PDE4D: variants seen among roughly 807,000 people sequenced by gnomAD.
PDE4D encodes phosphodiesterase 4D.
Under a neutral mutation model 87.4 loss-of-function variants are expected in PDE4D, and 24 were observed. That is an observed-to-expected ratio of 0.27 (90% CI 0.20 to 0.39). PDE4D has a LOEUF of 0.39. PDE4D is among the 10% of genes least tolerant of loss of function. The pLI is 1.00. For synonymous variants in PDE4D, 384 were observed against 383.2 expected, an observed-to-expected ratio of 1.00 and a Z score of -0.02; for missense variants, 714 against 1,041.0, an observed-to-expected ratio of 0.69 and a Z score of 4.32.
chr5:60,398,097 T>G (rs976974760), intron 1 of PDE4D, among the ~76,000 whole-genome samples: 2 of 152,196 alleles, frequency 1.3e-5, no homozygotes, highest in Admixed American at 6.5e-5. Context: ...TCTTTTTTGT[T>G]TTTTAATCTT....
intron 1 of PDE4D, among the ~76,000 whole-genome samples, chr5:59,451,963 TG>T (rs1173574510): frequency 6.6e-6 from 1 of 152,246 alleles, no homozygotes; most frequent in Non-Finnish European, 1.5e-5. Context: ...CCATTGCACA[TG>T]ATCTAGAAAA....
chr5:59,601,004 C>T (rs1328507144), intron 1 of PDE4D, among the ~76,000 whole-genome samples: 1 of 152,084 alleles, frequency 6.6e-6, no homozygotes, highest in East Asian at 1.9e-4. Context: ...TGCCAAAAAC[C>T]TTTGGAAATT....
chr5:59,081,355 A>G (rs1333831453), intron 5 of PDE4D, among the ~76,000 whole-genome samples: 2 of 152,082 alleles, frequency 1.3e-5, no homozygotes, highest in Non-Finnish European at 2.9e-5. Flanking sequence ...AGAAGTAATA[A>G]CTTCCTGTTG....
intron 1 of PDE4D, among the ~76,000 whole-genome samples, chr5:60,369,835 A>G (rs1760867425): frequency 6.6e-6 from 1 of 152,172 alleles, no homozygotes; most frequent in Admixed American, 6.5e-5. Flanking sequence ...ACACACAAAA[A>G]AAAATCAGAC....
rs11402131 is a variant in PDE4D at position 59,586,505 on chromosome 5, C to CAAAA, written c.455+306659_455+306662dup. The CAAAA allele has an allele frequency of 1.1e-5, 13 of 1,132,716 alleles. No homozygotes were observed. The East Asian group carries it at 1.5e-4, about 13-fold the overall frequency. The allele number at this position is 1,132,716 out of a possible 1,614,324, so 70.2% of individuals were successfully genotyped here. A position where few individuals can be genotyped will look rare whatever the true frequency, so the allele number is the denominator to read the frequency against. The stretch of plus-strand genomic sequence containing the variant: ...AATTATTGCAACAAGTATTGAATCC[C>CAAAA]AAAAAAAAAAAAAAAATCTCCCCCC... On this transcript the variant is annotated intron_variant, in intron 1 of 14. Coordinates refer to ENST00000340635, the MANE Select transcript of PDE4D (RefSeq NM_001104631.2).
chr5:59,331,669 C>A (rs761899876), intron 1 of PDE4D, among the ~76,000 whole-genome samples: 10 of 152,160 alleles, frequency 6.6e-5, no homozygotes, highest in African/African-American at 9.7e-5. Flanking sequence ...TGTTCCACAG[C>A]CACAGAGCCA....
At chr5:60,070,297 T>C (rs1244565823) in intron 2 of PDE4D, among the ~76,000 whole-genome samples, 5 of 152,128 alleles carry the variant, frequency 3.3e-5, no homozygotes, top group African/African-American at 1.2e-4. Context: ...TTTTTCACCA[T>C]TGAGTATGAC....
intron 1 of PDE4D, among the ~76,000 whole-genome samples, chr5:60,237,966 A>G (rs1177709203): frequency 6.6e-6 from 1 of 151,906 alleles, no homozygotes; most frequent in Admixed American, 6.6e-5. Context: ...TCCCTCTCTG[A>G]GCCCATTTAC....
chr5:59,562,339 T>C (rs527476974), intron 1 of PDE4D, among the ~76,000 whole-genome samples: 4 of 152,332 alleles, frequency 2.6e-5, no homozygotes, highest in African/African-American at 9.6e-5. Context: ...ACTATGTGTA[T>C]ATATTATACA....
intron 1 of PDE4D, among the ~76,000 whole-genome samples, chr5:59,290,276 T>G (rs1767767583): frequency 6.6e-6 from 1 of 151,826 alleles, no homozygotes; most frequent in Non-Finnish European, 1.5e-5. Context: ...AATCCATACA[T>G]CTACAGCGAA....
intron 2 of PDE4D, among the ~76,000 whole-genome samples, chr5:60,155,512 A>G (rs180775274): frequency 1.4e-4 from 22 of 152,282 alleles, no homozygotes; most frequent in Non-Finnish European, 2.6e-4. Context: ...GTATTCTTCA[A>G]TCATTCATAT....
intron 1 of PDE4D, chr5:59,586,540 AACAAATAG>A: frequency 5.0e-6 from 7 of 1,411,440 alleles, no homozygotes; most frequent in Non-Finnish European, 6.4e-6. Context: ...CACCAATAAA[AACAAATAG>A]CAATTACAAA....
At chr5:59,197,203 T>G (rs1330165909) in intron 2 of PDE4D, among the ~76,000 whole-genome samples, 1 of 152,220 alleles carries the variant, frequency 6.6e-6, no homozygotes, top group African/African-American at 2.4e-5. Context: ...GGTTGCATAT[T>G]TATTAAAACA....
intron 1 of PDE4D, among the ~76,000 whole-genome samples, chr5:60,433,990 G>A (rs1277278498): frequency 6.6e-6 from 1 of 152,036 alleles, no homozygotes; most frequent in Non-Finnish European, 1.5e-5. Flanking sequence ...TTACCTGGGT[G>A]ACGAAATAAT....
At chr5:59,326,681 C>T (rs1403467447) in intron 1 of PDE4D, among the ~76,000 whole-genome samples, 1 of 152,092 alleles carries the variant, frequency 6.6e-6, no homozygotes, top group Non-Finnish European at 1.5e-5. Context: ...ACATTATGCC[C>T]TGCACTACAG....
chr5:59,358,860 G>A (rs908771107), intron 1 of PDE4D, among the ~76,000 whole-genome samples: 20 of 152,110 alleles, frequency 1.3e-4, no homozygotes, highest in Admixed American at 1.2e-3. Flanking sequence ...TTAAATTTTT[G>A]TAGGTGAAAC....
intron 2 of PDE4D, among the ~76,000 whole-genome samples, chr5:60,173,134 A>G (rs1323608944): frequency 6.6e-6 from 1 of 152,132 alleles, no homozygotes; most frequent in Non-Finnish European, 1.5e-5. Flanking sequence ...CAGGTACATT[A>G]GTACATAAGT....
At chr5:60,109,400 T>C (rs556504609) in intron 2 of PDE4D, among the ~76,000 whole-genome samples, 24 of 151,676 alleles carry the variant, frequency 1.6e-4, no homozygotes, top group Non-Finnish European at 2.9e-4. Context: ...GGAACACTTT[T>C]ACACTGTTGG....
intron 2 of PDE4D, among the ~76,000 whole-genome samples, chr5:60,134,331 C>T (rs879459998): frequency 6.6e-6 from 1 of 152,030 alleles, no homozygotes; most frequent in East Asian, 1.9e-4. Flanking sequence ...TGTAGAGACC[C>T]CATCTCCACA....
Sources: allele counts gnomAD v4.1 joint callset (sites outside exome capture counted in the v4.1 genomes callset), GRCh38; gene constraint gnomAD v4.1.1; transcripts MANE v1.5; gene names NCBI Gene and HGNC (gene_info 2026-07-23, HGNC 2026-07-21).